Variants in PHACTR1 observed in about 807,000 individuals in gnomAD.
The protein encoded by PHACTR1 is phosphatase and actin regulator 1.
In PHACTR1, 16 loss-of-function variants were observed where a neutral mutation model predicts 69.2. The observed-to-expected ratio is 0.23, with a 90% confidence interval of 0.16 to 0.35. The LOEUF (loss-of-function observed/expected upper bound fraction) is 0.35. PHACTR1 is among the 10% of genes least tolerant of loss of function. PHACTR1 has a pLI of 1.00. For synonymous variants in PHACTR1, 312 were observed against 284.5 expected (o/e 1.10, Z -0.97); for missense variants, 510 against 734.7 (o/e 0.69, Z 3.54).
chr6:13,028,070 G>A (rs1199600928), intron 4 of PHACTR1, among the ~76,000 whole-genome samples: 2 of 152,220 alleles, frequency 1.3e-5, no homozygotes, highest in African/African-American at 4.8e-5. Flanking sequence ...ATGTGCATTG[G>A]TAATCTCTAA....
intron 4 of PHACTR1, among the ~76,000 whole-genome samples, chr6:12,775,352 C>A (rs921490640): frequency 1.3e-5 from 2 of 152,046 alleles, no homozygotes; most frequent in Non-Finnish European, 2.9e-5. Flanking sequence ...TTTATTTAGA[C>A]AAAGTTGGAT....
intron 4 of PHACTR1, among the ~76,000 whole-genome samples, chr6:13,015,318 A>G (rs1214164513): frequency 6.6e-6 from 1 of 152,200 alleles, no homozygotes; most frequent in East Asian, 1.9e-4. Context: ...CAGGCATCCA[A>G]GAGGAAAACT....
At chr6:12,935,628 C>CGTGTGTGTGTGTGT (rs34887240) in intron 4 of PHACTR1, among the ~76,000 whole-genome samples, 2 of 150,676 alleles carry the variant, frequency 1.3e-5, no homozygotes, top group Non-Finnish European at 3.0e-5. Context: ...GGTATGCCCA[C>CGTGTGTGTGTGTGT]GTGTGTGTGT....
At chr6:13,231,282 AAG>A (rs1286540070) in intron 10 of PHACTR1, among the ~76,000 whole-genome samples, 1 of 72,724 alleles carries the variant, frequency 1.4e-5, no homozygotes, top group Non-Finnish European at 2.4e-5. Context: ...GAAAGAAGGA[AAG>A]AGAAAGAGAG....
intron 3 of PHACTR1, among the ~76,000 whole-genome samples, chr6:12,722,350 T>C (rs1762233626): frequency 6.6e-6 from 1 of 152,228 alleles, no homozygotes; most frequent in African/African-American, 2.4e-5. Flanking sequence ...CTCATATCAA[T>C]TTATTTACAA....
At chr6:12,880,985 G>C (rs904759025) in intron 4 of PHACTR1, among the ~76,000 whole-genome samples, 1 of 152,180 alleles carries the variant, frequency 6.6e-6, no homozygotes, top group Non-Finnish European at 1.5e-5. Context: ...TTATCTAAGG[G>C]GGATATTGAG....
Position 12,933,844 on chromosome 6 carries a change from G to A in PHACTR1, c.251-119521G>A, listed in dbSNP as rs781772864. On this transcript the variant is annotated intron_variant, in intron 4 of 14. Coordinates refer to ENST00000332995, the MANE Select transcript of PHACTR1 (RefSeq NM_030948.6). ...GTATGAGCCCTGTTCAAGGAGCTAAGAGAAGGAGGGTGGTTTGGCTGCCTT... is the reference window on the plus strand; with the variant it reads ...GTATGAGCCCTGTTCAAGGAGCTAAAAGAAGGAGGGTGGTTTGGCTGCCTT... The A allele has an allele frequency of 9.1e-5, 147 of 1,612,656 alleles. No individual in the cohort carries two copies. In the East Asian group the frequency reaches 3.3e-3, roughly 36 times the overall value.
intron 5 of PHACTR1, among the ~76,000 whole-genome samples, chr6:13,090,051 T>TTG (rs1812979385): frequency 6.6e-6 from 1 of 152,088 alleles, no homozygotes; most frequent in Non-Finnish European, 1.5e-5. Context: ...TTTGGGTTTT[T>TTG]TTGTTGTTGT....
intron 3 of PHACTR1, among the ~76,000 whole-genome samples, chr6:12,730,738 C>T (rs564379219): frequency 1.2e-4 from 18 of 152,222 alleles, no homozygotes; most frequent in Admixed American, 4.6e-4. Context: ...TTTTTCCTGA[C>T]CCTCTCCCTC....
intron 5 of PHACTR1, among the ~76,000 whole-genome samples, chr6:13,061,529 T>G (rs1435867344): frequency 6.6e-6 from 1 of 152,144 alleles, no homozygotes; most frequent in East Asian, 1.9e-4. Flanking sequence ...ATTCTTGAAT[T>G]AGTGGTTTTT....
At chr6:13,016,428 G>A (rs938356234) in intron 4 of PHACTR1, among the ~76,000 whole-genome samples, 5 of 152,184 alleles carry the variant, frequency 3.3e-5, no homozygotes, top group African/African-American at 1.2e-4. Context: ...TTACACAGAT[G>A]AAATTTTACA....
At chr6:13,019,836 C>A (rs1207327712) in intron 4 of PHACTR1, among the ~76,000 whole-genome samples, 1 of 152,180 alleles carries the variant, frequency 6.6e-6, no homozygotes, top group Non-Finnish European at 1.5e-5. Flanking sequence ...ACTTCAATTT[C>A]TTCGGTTCAC....
At chr6:13,073,997 C>T (rs1038079308) in intron 5 of PHACTR1, among the ~76,000 whole-genome samples, 3 of 151,978 alleles carry the variant, frequency 2.0e-5, no homozygotes, top group South Asian at 2.1e-4. Flanking sequence ...CTCAGCCTCC[C>T]GAGTAGCTGG....
At chr6:13,251,781 T>G (rs1230074106) in intron 10 of PHACTR1, among the ~76,000 whole-genome samples, 1 of 151,940 alleles carries the variant, frequency 6.6e-6, no homozygotes, top group Non-Finnish European at 1.5e-5. Flanking sequence ...TAGTGAAAAA[T>G]CATTTAAATT....
chr6:13,206,172 A>G (rs1340783844), intron 8 of PHACTR1, 36 bp downstream of exon 8: 1 of 1,504,986 alleles, frequency 6.6e-7, no homozygotes. Context: ...ACGGGAGGAG[A>G]GGGGTTGGCT....
intron 4 of PHACTR1, among the ~76,000 whole-genome samples, chr6:13,038,896 A>G (rs950343493): frequency 6.6e-6 from 1 of 152,194 alleles, no homozygotes; most frequent in African/African-American, 2.4e-5. Context: ...TGTTCCAGTC[A>G]TCACTTCTCT....
At chr6:13,224,204 C>G (rs965256971) in intron 8 of PHACTR1, among the ~76,000 whole-genome samples, 5 of 152,188 alleles carry the variant, frequency 3.3e-5, no homozygotes, top group African/African-American at 1.2e-4. Context: ...CGACAAGGAG[C>G]CTACAGCCTT....
intron 3 of PHACTR1, among the ~76,000 whole-genome samples, chr6:12,719,101 G>T (rs1474919137): frequency 2.0e-5 from 3 of 152,152 alleles, no homozygotes; most frequent in Non-Finnish European, 4.4e-5. Context: ...TGTTAGAAAT[G>T]ATTTCCTACC....
intron 4 of PHACTR1, among the ~76,000 whole-genome samples, chr6:12,984,972 A>G (rs544496951): frequency 4.6e-5 from 7 of 152,364 alleles, no homozygotes; most frequent in African/African-American, 1.4e-4. Context: ...CTTCTCACTT[A>G]CAAGTTTTGG....
Sources: allele counts gnomAD v4.1 joint callset (sites outside exome capture counted in the v4.1 genomes callset), GRCh38; gene constraint gnomAD v4.1.1; transcripts MANE v1.5; gene names NCBI Gene and HGNC (gene_info 2026-07-23, HGNC 2026-07-21).